ACYP2: variants seen among roughly 807,000 people sequenced by gnomAD.
ACYP2 encodes acylphosphatase 2.
In ACYP2, 12 loss-of-function variants were observed where a neutral mutation model predicts 11.2. That is an observed-to-expected ratio of 1.08 (90% CI 0.69 to 1.74). ACYP2 has a LOEUF of 1.74. Ranked by LOEUF, ACYP2 falls within the 40% of genes most tolerant of loss-of-function variation. The probability of loss-of-function intolerance (pLI) is 0.00; values close to 1 mark genes in which losing one functional copy is unlikely to be tolerated. For missense variants in ACYP2, 134 were observed against 101.9 expected (o/e 1.31, Z -1.35); for synonymous variants, 43 against 32.2 (o/e 1.33, Z -1.13).
intron 6 of ACYP2, among the ~76,000 whole-genome samples, chr2:54,298,703 C>T (rs1371450216): frequency 6.6e-6 from 1 of 152,188 alleles, no homozygotes; most frequent in African/African-American, 2.4e-5. Flanking sequence ...AGCAGTTGTG[C>T]CCCATGTCAC....
intron 2 of ACYP2, among the ~76,000 whole-genome samples, chr2:53,976,046 T>C (rs575450242): frequency 6.6e-6 from 1 of 152,316 alleles, no homozygotes; most frequent in Non-Finnish European, 1.5e-5. Flanking sequence ...ATTTATGTCT[T>C]TGATGTGCTT....
intron 2 of ACYP2, among the ~76,000 whole-genome samples, chr2:54,016,451 G>A (rs1673686300): frequency 6.6e-6 from 1 of 151,714 alleles, no homozygotes; most frequent in South Asian, 2.1e-4. Flanking sequence ...GGAGAAACTG[G>A]AAGCAATGTG....
rs192893478 is a variant in ACYP2 at position 54,109,895 on chromosome 2, A to G, written c.278-25558A>G. On this transcript the variant is annotated intron_variant, in intron 4 of 6. Coordinates refer to ENST00000607452, the MANE Select transcript of ACYP2 (RefSeq NM_001320586.2). ...CAATATCAATATCTCATTATTAACT[A>G]AAGTTTGTACTTTATTCAGATGTCC... 3.1e-3 allele frequency among the ~76,000 whole-genome samples: 474 copies of G among 152,268 alleles called. 1 individual carries two copies. The highest frequency in any genetic ancestry group is 0.011 in the African/African-American group (464 of 41,550).
intron 6 of ACYP2, among the ~76,000 whole-genome samples, chr2:54,284,792 A>G (rs1016465560): frequency 6.6e-6 from 1 of 152,022 alleles, no homozygotes; most frequent in African/African-American, 2.4e-5. Flanking sequence ...CTACCTCTCC[A>G]TTGTAACCAG....
intron 2 of ACYP2, among the ~76,000 whole-genome samples, chr2:53,982,757 G>A (rs1037985790): frequency 5.3e-5 from 8 of 151,408 alleles, no homozygotes; most frequent in Non-Finnish European, 8.8e-5. Flanking sequence ...GCACTGCTTC[G>A]ACTCAAATGT....
chr2:53,972,674 G>C (rs566185702), intron 1 of ACYP2, among the ~76,000 whole-genome samples: 22 of 152,244 alleles, frequency 1.4e-4, no homozygotes, highest in Non-Finnish European at 2.9e-4. Flanking sequence ...TTGGGAACTG[G>C]AGGACCCTTT....
intron 2 of ACYP2, among the ~76,000 whole-genome samples, chr2:53,989,315 C>T (rs1672176577): frequency 7.9e-6 from 1 of 127,174 alleles, no homozygotes; most frequent in Non-Finnish European, 1.6e-5. Context: ...GACAAGGATT[C>T]CCAGGCTCAA....
chr2:54,052,483 G>A (rs1675922909), intron 3 of ACYP2, among the ~76,000 whole-genome samples: 2 of 152,078 alleles, frequency 1.3e-5, no homozygotes, highest in African/African-American at 2.4e-5. Context: ...AGTTATATAT[G>A]GGAATTGTAA....
intron 2 of ACYP2, among the ~76,000 whole-genome samples, chr2:54,031,122 C>T (rs1334914998): frequency 6.8e-6 from 1 of 147,192 alleles, no homozygotes; most frequent in East Asian, 1.9e-4. Context: ...GAAAGCACTT[C>T]TTCTTCTTTT....
At chr2:54,271,618 A>G (rs1305471835) in intron 6 of ACYP2, among the ~76,000 whole-genome samples, 1 of 152,032 alleles carries the variant, frequency 6.6e-6, no homozygotes, top group Non-Finnish European at 1.5e-5. Context: ...GCCCCTTATC[A>G]GAGAGACTGA....
intron 6 of ACYP2, among the ~76,000 whole-genome samples, chr2:54,258,243 T>A (rs1389219159): frequency 6.6e-6 from 1 of 151,986 alleles, no homozygotes; most frequent in African/African-American, 2.4e-5. Flanking sequence ...GGGAGGAGAT[T>A]GTAGTATGAA....
In ACYP2 at chr2:54,130,613, T is replaced by C. The variant is rs146995988; in HGVS notation, c.278-4840T>C. 2.6e-3 allele frequency among the ~76,000 whole-genome samples: 394 copies of C among 152,314 alleles called. 1 individual carries two copies. Among genetic ancestry groups the C allele is most frequent in the African/African-American group, 7.9e-3 (327 of 41,578 alleles). Reference sequence around the variant, plus strand: ...TCTTGTAGTAGATGAGTTGAAAGATTATGGTAACTTTAAGTATATAAACAT... The same window carrying C: ...TCTTGTAGTAGATGAGTTGAAAGATCATGGTAACTTTAAGTATATAAACAT... On this transcript the variant is annotated intron_variant, in intron 4 of 6. Transcript: ENST00000607452.
intron 4 of ACYP2, among the ~76,000 whole-genome samples, chr2:54,118,932 C>T (rs972174930): frequency 6.6e-6 from 1 of 152,030 alleles, no homozygotes; most frequent in African/African-American, 2.4e-5. Flanking sequence ...TCATTTAATC[C>T]TCATCCCTGT....
chr2:54,186,619 T>G (rs1325617494), intron 6 of ACYP2, among the ~76,000 whole-genome samples: 9 of 152,126 alleles, frequency 5.9e-5, no homozygotes, highest in Non-Finnish European at 1.3e-4. Context: ...GTTCAAGTGA[T>G]TCTTCTGCCT....
chr2:54,288,663 G>C (rs1400602725), intron 6 of ACYP2, among the ~76,000 whole-genome samples: 1 of 152,018 alleles, frequency 6.6e-6, no homozygotes, highest in Non-Finnish European at 1.5e-5. Context: ...GATCATTCCA[G>C]AGAGCTTTTA....
intron 3 of ACYP2, chr2:54,051,439 C>T: frequency 2.8e-6 from 2 of 702,714 alleles, no homozygotes; most frequent in Non-Finnish European, 5.2e-6. Flanking sequence ...AATCTATATC[C>T]CTCCTAAACG....
At chr2:54,178,786 T>A (rs1683582981) in intron 6 of ACYP2, among the ~76,000 whole-genome samples, 1 of 151,974 alleles carries the variant, frequency 6.6e-6, no homozygotes, top group Non-Finnish European at 1.5e-5. Flanking sequence ...AAGAGTAGGG[T>A]TTTAAGGAAA....
At chr2:54,080,642 C>T (rs530633723) in intron 4 of ACYP2, among the ~76,000 whole-genome samples, 20 of 152,260 alleles carry the variant, frequency 1.3e-4, no homozygotes, top group African/African-American at 4.6e-4. Context: ...GCACCTGCCA[C>T]CATGCCCAGG....
In ACYP2 at chr2:54,264,170, C is replaced by G. The variant is rs184049813; in HGVS notation, c.405-40518C>G. On this transcript the variant is annotated intron_variant, in intron 6 of 6. Transcript: ENST00000607452. ...CGGAGTTTCTTCCTTCCGGTGGGTT[C>G]GTGGTCTCGCTTGATTTCAGGAGTG... is the stretch of plus-strand genomic sequence containing the variant. 3.9e-5 allele frequency among the ~76,000 whole-genome samples: 6 copies of G among 152,202 alleles called. No homozygotes were observed. The East Asian group carries it at 9.7e-4, about 24-fold the overall frequency.
Sources: allele counts gnomAD v4.1 joint callset (sites outside exome capture counted in the v4.1 genomes callset), GRCh38; gene constraint gnomAD v4.1.1; transcripts MANE v1.5; gene names NCBI Gene and HGNC (gene_info 2026-07-23, HGNC 2026-07-21).